STAB2: variants seen among roughly 807,000 people sequenced by gnomAD.
The protein encoded by STAB2 is stabilin-2.
Under a neutral mutation model 338.1 loss-of-function variants are expected in STAB2, and 288 were observed. That is an observed-to-expected ratio of 0.85 (90% CI 0.77 to 0.94). STAB2 has a LOEUF of 0.94. Among genes scored for constraint, STAB2 ranks in the 40% least tolerant of loss-of-function variants. The pLI, the probability that STAB2 is intolerant of heterozygous loss-of-function variation, is 0.00. For missense variants in STAB2, 3,141 were observed against 3,210.1 expected, an observed-to-expected ratio of 0.98 and a Z score of 0.52; for synonymous variants, 1,202 against 1,193.3, an observed-to-expected ratio of 1.01 and a Z score of -0.15.
intron 2 of STAB2, among the ~76,000 whole-genome samples, chr12:103,592,807 C>A (rs1198901437): frequency 6.6e-6 from 1 of 152,072 alleles, no homozygotes; most frequent in Non-Finnish European, 1.5e-5. Flanking sequence ...CTTTCATAAC[C>A]AAAACTTTGT....
At chr12:103,713,508 G>T in intron 41 of STAB2, 135 bp from the exon 42 acceptor site, 3 of 1,309,088 alleles carry the variant, frequency 2.3e-6, no homozygotes, top group East Asian at 4.9e-5. Context: ...TCTGTTTTTG[G>T]GAATTGGCCA....
intron 31 of STAB2, among the ~76,000 whole-genome samples, chr12:103,695,208 C>T (rs562735947): frequency 6.6e-6 from 1 of 152,294 alleles, no homozygotes; most frequent in South Asian, 2.1e-4. Flanking sequence ...TGTGTTTCAC[C>T]TCGATTTGGT....
In STAB2 at chr12:103,690,461, C is replaced by G; in HGVS notation, c.3220C>G (p.Leu1074Val). Residue 1074 changes from leucine to valine, a missense_variant, in exon 30 of 69, where the codon CTG (leucine) becomes GTG (valine). Coordinates refer to ENST00000388887, the MANE Select transcript of STAB2 (RefSeq NM_017564.10). Reference protein sequence around the residue: ...MLLGTYRVADLQTLSSSDMLA... With the variant: ...MLLGTYRVADVQTLSSSDMLA... ...ACTAGGCACATACAGAGTGGCAGATCTGCAGACCCTGTCTTCTTCTGACAT... is the reference window on the plus strand; with the variant it reads ...ACTAGGCACATACAGAGTGGCAGATGTGCAGACCCTGTCTTCTTCTGACAT... 3 of 1,614,138 alleles carry G rather than the reference C, an allele frequency of 1.9e-6. No homozygotes were observed. Among genetic ancestry groups the G allele is most frequent in the Non-Finnish European group, 2.5e-6 (3 of 1,179,966 alleles).
chr12:103,675,841 A>G, intron 23 of STAB2, 87 bp from the exon 24 acceptor site: 1 of 1,046,598 alleles, frequency 9.6e-7, no homozygotes, highest in Non-Finnish European at 1.4e-6. Context: ...CCATTTGGCC[A>G]GGAACTGGCT....
At chr12:103,745,360 T>A in intron 57 of STAB2, 83 bp downstream of exon 57, 1 of 1,261,176 alleles carries the variant, frequency 7.9e-7, no homozygotes, top group Non-Finnish European at 1.1e-6. Flanking sequence ...GTTGGGAGTC[T>A]GAGTGACATC....
rs150542482 is a variant in STAB2, at chr12:103,660,708, C to G, written c.1814C>G (p.Thr605Ser). 9 of 1,613,982 alleles carry G rather than the reference C, an allele frequency of 5.6e-6. No individual in the cohort carries two copies. Among genetic ancestry groups the G allele is most frequent in the Non-Finnish European group, 7.6e-6 (9 of 1,179,996 alleles). The change falls in exon 17 of 69, where the codon ACC becomes AGC. Residue 605 changes from threonine (T) to serine (S), a missense_variant. Coordinates refer to ENST00000388887, the MANE Select transcript of STAB2 (RefSeq NM_017564.10). ...TQLEVATLIS[T>S]PHIRSMANQL... ...CTTGAAGTGGCCACTCTCATCTCCACCCCTCACATCAGGAGCATGGCCAAC... is the reference window on the plus strand; with the variant it reads ...CTTGAAGTGGCCACTCTCATCTCCAGCCCTCACATCAGGAGCATGGCCAAC...
At chr12:103,629,005 G>A (rs1161135208) in intron 5 of STAB2, among the ~76,000 whole-genome samples, 1 of 152,184 alleles carries the variant, frequency 6.6e-6, no homozygotes, top group Non-Finnish European at 1.5e-5. Flanking sequence ...CTAAAATTTA[G>A]TTGTGTAGTT....
At position 103,660,744 on chromosome 12, in the gene STAB2, A is replaced by T; in HGVS notation, c.1850A>T (p.Gln617Leu). ...AGGAGCATGGCCAACCAGCTCATAC[A>T]GTTCAACACCACCGACAATGTAAGT... is the stretch of plus-strand genomic sequence containing the variant. ...HIRSMANQLI[Q>L]FNTTDNGQIL... is the part of the protein sequence containing the mutation. The change falls in exon 17 of 69, where the codon CAG (glutamine) becomes CTG (leucine). Residue 617 changes from glutamine to leucine, a missense_variant. Coordinates refer to ENST00000388887, the MANE Select transcript of STAB2 (RefSeq NM_017564.10). 6.2e-7 allele frequency: 1 copy of T among 1,614,118 alleles called. No individual in the cohort carries two copies.
chr12:103,726,882 T>A (rs914625771), intron 46 of STAB2, among the ~76,000 whole-genome samples: 2 of 152,158 alleles, frequency 1.3e-5, no homozygotes, highest in African/African-American at 4.8e-5. Context: ...AACAGTTAAG[T>A]ATATCAACTC....
At chr12:103,668,337 C>T (rs889979417) in intron 19 of STAB2, among the ~76,000 whole-genome samples, 16 of 152,102 alleles carry the variant, frequency 1.1e-4, no homozygotes, top group African/African-American at 2.9e-4. Context: ...GAGACTAGAC[C>T]GTATCCAGAA....
intron 3 of STAB2, among the ~76,000 whole-genome samples, chr12:103,619,088 A>T (rs955138578): frequency 3.1e-4 from 47 of 152,222 alleles, no homozygotes; most frequent in Non-Finnish European, 1.2e-4. Context: ...CAGTGAGTCC[A>T]TTAAATCTCT....
At position 103,666,302 on chromosome 12, in the gene STAB2, G is replaced by A; in HGVS notation, c.2034G>A (p.Val678=). 1 of 1,614,104 alleles carries A rather than the reference G, an allele frequency of 6.2e-7. No individual in the cohort carries two copies. Among genetic ancestry groups the A allele is most frequent in the Non-Finnish European group, 8.5e-7 (1 of 1,180,032 alleles). ...TKREMKLGTC[V]SCSLVYWSRC... ...GTCTCTCCCTCCAGGGCACTTGTGT[G>A]AGCTGTTCTCTGGTGTACTGGAGCA... The change falls in exon 19 of 69, where the codon GTG becomes GTA. Residue 678 remains valine, a synonymous_variant. Coordinates refer to ENST00000388887, the MANE Select transcript of STAB2 (RefSeq NM_017564.10).
At chr12:103,662,711 C>A (rs1874727047) in intron 17 of STAB2, 135 bp from the exon 18 acceptor site, 1 of 998,262 alleles carries the variant, frequency 1.0e-6, no homozygotes, top group Non-Finnish European at 1.4e-6. Context: ...TAATAGCAAC[C>A]TACCCTCCAA....
intron 56 of STAB2, among the ~76,000 whole-genome samples, chr12:103,743,703 C>T (rs551400417): frequency 4.6e-5 from 7 of 152,226 alleles, no homozygotes; most frequent in South Asian, 4.2e-4. Flanking sequence ...TAAATAGCCA[C>T]GCGTAGATAG....
Position 103,655,488 on chromosome 12 carries a change from T to C in STAB2, c.1641T>C (p.Asp547=), listed in dbSNP as rs767860575. ...ETNLGHALDE[D]GVGGPYTIFV... ...ATTTGGGACATGCCTTAGATGAGGA[T>C]GGAGTTGGTGGACCATACACCATTT... Residue 547 remains aspartate (D), a synonymous_variant, in exon 15 of 69, where the codon GAT becomes GAC. Transcript: ENST00000388887. 1.9e-6 allele frequency: 3 copies of C among 1,614,106 alleles called. No individual in the cohort carries two copies. Among genetic ancestry groups the C allele is most frequent in the South Asian group, 2.2e-5 (2 of 91,080 alleles).
chr12:103,670,760 G>A lies in STAB2; in HGVS notation c.2324G>A (p.Cys775Tyr), dbSNP rs1449726392. 6.2e-7 allele frequency: 1 copy of A among 1,614,042 alleles called. No homozygotes were observed. The highest frequency in any genetic ancestry group is 8.5e-7 in the Non-Finnish European group (1 of 1,180,032). ...ICEEGFQGSQCQFCSDPNKYG... is the reference protein window; with the variant it reads ...ICEEGFQGSQYQFCSDPNKYG... ...GAGGAGGGCTTCCAAGGCTCCCAGT[G>A]TCAGTTCTGCTCTGATCCCAATAAA... is the stretch of plus-strand genomic sequence containing the variant. The change falls in exon 22 of 69, where the codon TGT (cysteine) becomes TAT (tyrosine). Residue 775 changes from cysteine (C) to tyrosine (Y), a missense_variant. Transcript: ENST00000388887.
intron 56 of STAB2, among the ~76,000 whole-genome samples, chr12:103,743,625 C>T (rs761423125): frequency 8.5e-5 from 13 of 152,166 alleles, no homozygotes; most frequent in Non-Finnish European, 1.5e-4. Flanking sequence ...AGTATGGTAG[C>T]CACTAGGCAC....
chr12:103,686,909 G>C (rs906345502), intron 27 of STAB2, among the ~76,000 whole-genome samples: 3 of 152,098 alleles, frequency 2.0e-5, no homozygotes, highest in African/African-American at 7.2e-5. Flanking sequence ...CAGCAGATCA[G>C]GTGCACCTCA....
Position 103,660,402 on chromosome 12 carries a change from T to A in STAB2, c.1788+18T>A. ...TTACCCAGGTTGGCCCCACTTTTCC[T>A]GCTGCTACTTTCTCTCTGCTTCCAA... On this transcript the variant is annotated intron_variant, in intron 16 of 68. Transcript: ENST00000388887. The A allele has an allele frequency of 6.2e-7, 1 of 1,613,916 alleles. No homozygotes were observed. Among genetic ancestry groups the A allele is most frequent in the Non-Finnish European group, 8.5e-7 (1 of 1,179,742 alleles).
Sources: gnomAD v4.1 joint callset for allele counts (sites outside exome capture counted in the v4.1 genomes callset) on GRCh38, gnomAD v4.1.1 for gene constraint, MANE v1.5 for transcripts, NCBI Gene and HGNC (gene_info 2026-07-23, HGNC 2026-07-21) for gene names.